The following FAT3 variants were observed in gnomAD, a reference collection of about 807,000 sequenced individuals.
FAT3 encodes the protein protocadherin Fat 3.
In FAT3, 95 loss-of-function variants were observed where a neutral mutation model predicts 310.2. That is an observed-to-expected ratio of 0.31 (90% CI 0.26 to 0.36). FAT3 has a LOEUF of 0.36. Ranked by LOEUF, FAT3 falls within the 10% of genes least tolerant of loss-of-function variation. FAT3 has a pLI of 1.00. For missense variants in FAT3, 5,408 were observed against 5,715.6 expected (o/e 0.95, Z 1.74); for synonymous variants, 2,314 against 2,192.9 (o/e 1.06, Z -1.54).
intron 17 of FAT3, among the ~76,000 whole-genome samples, chr11:92,838,730 G>A (rs1468629926): frequency 6.6e-6 from 1 of 152,164 alleles, no homozygotes; most frequent in South Asian, 2.1e-4. Context: ...GCCAGCTCTT[G>A]AGGGTCCCCT....
intron 4 of FAT3, among the ~76,000 whole-genome samples, chr11:92,729,686 A>G (rs1481760768): frequency 6.6e-6 from 1 of 151,960 alleles, no homozygotes; most frequent in East Asian, 1.9e-4. Flanking sequence ...CGGCCTCCCA[A>G]AGTGCTGGGA....
At chr11:92,369,436 T>A (rs1161958537) in intron 2 of FAT3, among the ~76,000 whole-genome samples, 1 of 152,220 alleles carries the variant, frequency 6.6e-6, no homozygotes, top group Non-Finnish European at 1.5e-5. Context: ...TGTATGTTAC[T>A]GAACCAACAG....
At chr11:92,670,205 G>A (rs1260078179) in intron 3 of FAT3, among the ~76,000 whole-genome samples, 2 of 152,178 alleles carry the variant, frequency 1.3e-5, no homozygotes, top group African/African-American at 4.8e-5. Context: ...TACTTTTGAA[G>A]CACAGGCAGC....
At chr11:92,317,116 C>T (rs1407035771) in intron 1 of FAT3, among the ~76,000 whole-genome samples, 2 of 151,942 alleles carry the variant, frequency 1.3e-5, no homozygotes, top group Non-Finnish European at 2.9e-5. Flanking sequence ...GTGCAGCTGT[C>T]AGAATTAAAA....
At chr11:92,309,384 GCACACACACACACA>G (rs59596533) in intron 1 of FAT3, among the ~76,000 whole-genome samples, 4,664 of 145,080 alleles carry the variant, frequency 0.032, 82 homozygotes, top group Non-Finnish European at 0.038. Flanking sequence ...ACACACGCAT[GCACACACACACACA>G]CACACACACA....
intron 1 of FAT3, among the ~76,000 whole-genome samples, chr11:92,326,335 A>T (rs57527083): frequency 6.6e-6 from 1 of 152,220 alleles, no homozygotes; most frequent in African/African-American, 2.4e-5. Context: ...ATCCTGTACA[A>T]TATTGCAGAC....
At chr11:92,820,325 ATCTG>A (rs1565624152) in intron 13 of FAT3, among the ~76,000 whole-genome samples, 1 of 152,020 alleles carries the variant, frequency 6.6e-6, no homozygotes, top group African/African-American at 2.4e-5. Context: ...ATGTAGAGAG[ATCTG>A]TCTTTCTTCT....
intron 4 of FAT3, among the ~76,000 whole-genome samples, chr11:92,755,266 A>G (rs1202005997): frequency 6.6e-6 from 1 of 152,042 alleles, no homozygotes; most frequent in African/African-American, 2.4e-5. Context: ...TCTGTTGCCC[A>G]GGCTGGAGTG....
At chr11:92,346,535 T>G (rs993679065) in intron 1 of FAT3, among the ~76,000 whole-genome samples, 1 of 152,180 alleles carries the variant, frequency 6.6e-6, no homozygotes, top group East Asian at 1.9e-4. Flanking sequence ...TCTGGACCCT[T>G]TATCCTTACC....
chr11:92,738,673 C>T (rs1044952248), intron 4 of FAT3, among the ~76,000 whole-genome samples: 19 of 152,144 alleles, frequency 1.2e-4, no homozygotes, highest in African/African-American at 4.3e-4. Flanking sequence ...CCCATTTATG[C>T]AACAAATATG....
chr11:92,688,678 T>C (rs1484461010), intron 3 of FAT3, among the ~76,000 whole-genome samples: 1 of 152,144 alleles, frequency 6.6e-6, no homozygotes, highest in Non-Finnish European at 1.5e-5. Context: ...ATCTTAAAAT[T>C]CCTGTGCATA....
At chr11:92,585,586 C>T (rs766311945) in intron 3 of FAT3, among the ~76,000 whole-genome samples, 1 of 151,972 alleles carries the variant, frequency 6.6e-6, no homozygotes, top group Non-Finnish European at 1.5e-5. Context: ...CATGTATGAA[C>T]ATGTTAATCC....
chr11:92,890,377 T>A, intron 27 of FAT3, 114 bp from the exon 28 acceptor site: 2 of 1,284,148 alleles, frequency 1.6e-6, no homozygotes, highest in Non-Finnish European at 2.1e-6. Context: ...AATAAGCTTC[T>A]TAGGGTTTCT....
intron 3 of FAT3, among the ~76,000 whole-genome samples, chr11:92,630,730 A>C: frequency 6.6e-6 from 1 of 152,222 alleles, no homozygotes; most frequent in East Asian, 1.9e-4. Context: ...TCTCAGCTTC[A>C]GATCCTCATC....
At chr11:92,285,955 C>A (rs1430232904) in intron 1 of FAT3, among the ~76,000 whole-genome samples, 1 of 152,146 alleles carries the variant, frequency 6.6e-6, no homozygotes, top group African/African-American at 2.4e-5. Flanking sequence ...GGATGGCAGG[C>A]AGTGGGCACA....
At chr11:92,481,176 A>T (rs1290375042) in intron 2 of FAT3, among the ~76,000 whole-genome samples, 1 of 152,218 alleles carries the variant, frequency 6.6e-6, no homozygotes, top group African/African-American at 2.4e-5. Context: ...ATGCTAAATC[A>T]TTTCAATCAG....
intron 3 of FAT3, among the ~76,000 whole-genome samples, chr11:92,574,319 G>A (rs1407685442): frequency 6.6e-6 from 1 of 152,104 alleles, no homozygotes; most frequent in East Asian, 1.9e-4. Context: ...TGTGTCCATG[G>A]TGCCTGCCAG....
intron 3 of FAT3, among the ~76,000 whole-genome samples, chr11:92,581,449 C>A (rs1251527378): frequency 2.0e-5 from 3 of 151,436 alleles, no homozygotes; most frequent in Admixed American, 1.3e-4. Flanking sequence ...TCCTTACTCT[C>A]ATTTTTTTTG....
intron 3 of FAT3, among the ~76,000 whole-genome samples, chr11:92,583,416 T>C (rs950418029): frequency 1.3e-5 from 2 of 152,040 alleles, no homozygotes; most frequent in Admixed American, 1.3e-4. Context: ...AGAAAATGGA[T>C]CTGTAGCCTC....
Sources: allele counts gnomAD v4.1 joint callset (sites outside exome capture counted in the v4.1 genomes callset), GRCh38; gene constraint gnomAD v4.1.1; transcripts MANE v1.5; gene names NCBI Gene and HGNC (gene_info 2026-07-23, HGNC 2026-07-21).